The following SPMIP4 variants were observed in gnomAD, a reference collection of about 807,000 sequenced individuals.
SPMIP4 encodes sperm-associated microtubule inner protein 4.
At chr7:25,137,361 C>G in the SPMIP4 span, among the ~76,000 whole-genome samples, 1 of 140,790 alleles carries the variant, frequency 7.1e-6, no homozygotes, top group African/African-American at 2.7e-5. Context: ...TTTTCATTCT[C>G]TTATGGTTTT....
chr7:25,175,049 C>T, the SPMIP4 span, among the ~76,000 whole-genome samples: 1 of 152,084 alleles, frequency 6.6e-6, no homozygotes, highest in Admixed American at 6.5e-5. Flanking sequence ...GTGCTGCTAG[C>T]CCAGTAGTTC....
At chr7:25,130,622 C>T in the SPMIP4 span, among the ~76,000 whole-genome samples, 1 of 152,166 alleles carries the variant, frequency 6.6e-6, no homozygotes, top group Admixed American at 6.5e-5. Flanking sequence ...CCAGTTATCA[C>T]TTAACTACAC....
chr7:25,160,613 A>G, the SPMIP4 span, among the ~76,000 whole-genome samples: 2 of 152,138 alleles, frequency 1.3e-5, no homozygotes, highest in African/African-American at 4.8e-5. Context: ...TTTTATTTTT[A>G]TCTAAAAATA....
the SPMIP4 span, among the ~76,000 whole-genome samples, chr7:25,158,112 T>C: frequency 1.3e-5 from 2 of 152,182 alleles, no homozygotes; most frequent in East Asian, 3.8e-4. Context: ...CTCACGCCTG[T>C]GATCCAGTAC....
At chr7:25,145,342 G>A in the SPMIP4 span, among the ~76,000 whole-genome samples, 30 of 152,286 alleles carry the variant, frequency 2.0e-4, no homozygotes, top group African/African-American at 7.2e-4. Flanking sequence ...TAACAACAGA[G>A]ATCTACTGAA....
the SPMIP4 span, among the ~76,000 whole-genome samples, chr7:25,137,313 T>TA: frequency 2.2e-5 from 3 of 136,592 alleles, no homozygotes; most frequent in East Asian, 2.1e-4. Context: ...TTTTTTTTTT[T>TA]TTTTTTATTT....
chr7:25,148,681 G>A, the SPMIP4 span, among the ~76,000 whole-genome samples: 1 of 152,026 alleles, frequency 6.6e-6, no homozygotes, highest in Non-Finnish European at 1.5e-5. Context: ...CGCCATGTTG[G>A]TCAGGCTGGT....
chr7:25,131,901 T>G, the SPMIP4 span, among the ~76,000 whole-genome samples: 3 of 152,226 alleles, frequency 2.0e-5, no homozygotes, highest in African/African-American at 7.2e-5. The surrounding 1 kb of genome is among the most constrained non-coding windows in gnomAD (Gnocchi z 4.2). Context: ...GGAGCACAGC[T>G]GACACCCTGC....
the SPMIP4 span, chr7:25,136,432 G>A: frequency 6.2e-7 from 1 of 1,614,100 alleles, no homozygotes; most frequent in Non-Finnish European, 8.5e-7. This position sits in a 1 kb window ranked among gnomAD's most constrained non-coding sequence, Gnocchi z 5.7. Flanking sequence ...TAAATCTTCT[G>A]TCTTTTTAGT....
chr7:25,177,483 T>TA, the SPMIP4 span, among the ~76,000 whole-genome samples: 38 of 147,898 alleles, frequency 2.6e-4, no homozygotes, highest in African/African-American at 5.4e-4. Context: ...CTCCGTCTAA[T>TA]AAAAAAAAAA....
At chr7:25,154,355 T>C in the SPMIP4 span, among the ~76,000 whole-genome samples, 20 of 152,288 alleles carry the variant, frequency 1.3e-4, no homozygotes, top group South Asian at 1.0e-3. Flanking sequence ...TCTCAAGTGT[T>C]TTCACTCTTT....
chr7:25,165,614 C>T, the SPMIP4 span, among the ~76,000 whole-genome samples: 2 of 152,188 alleles, frequency 1.3e-5, no homozygotes, highest in Non-Finnish European at 2.9e-5. Flanking sequence ...TCCCAAGGTG[C>T]TGGGATTACA....
chr7:25,178,678 C>T, the SPMIP4 span, among the ~76,000 whole-genome samples: 1 of 152,194 alleles, frequency 6.6e-6, no homozygotes, highest in East Asian at 1.9e-4. Flanking sequence ...ACTTACTTCT[C>T]GAGTTCCTTA....
At chr7:25,155,131 T>C in the SPMIP4 span, 6 of 1,613,046 alleles carry the variant, frequency 3.7e-6, no homozygotes. Flanking sequence ...GTGGGGAACA[T>C]GGCGCCGCGA....
chr7:25,178,051 T>G, the SPMIP4 span, among the ~76,000 whole-genome samples: 2 of 152,192 alleles, frequency 1.3e-5, no homozygotes, highest in Non-Finnish European at 2.9e-5. Context: ...TAAGTCAGAA[T>G]AGGTGATATT....
the SPMIP4 span, among the ~76,000 whole-genome samples, chr7:25,160,284 G>A: frequency 1.5e-5 from 1 of 68,094 alleles, no homozygotes; most frequent in Non-Finnish European, 5.5e-5. Context: ...CTTCTATGCT[G>A]TCGTGTTTAA....
At chr7:25,142,267 G>A in the SPMIP4 span, 5 of 1,613,070 alleles carry the variant, frequency 3.1e-6, no homozygotes, top group Non-Finnish European at 4.2e-6. Flanking sequence ...CCTATCTTTC[G>A]TGTTAACTCT....
At chr7:25,127,742 C>T in the SPMIP4 span, among the ~76,000 whole-genome samples, 1 of 152,128 alleles carries the variant, frequency 6.6e-6, no homozygotes, top group Non-Finnish European at 1.5e-5. Context: ...GGTCTTGATG[C>T]TTGTGGATTT....
chr7:25,146,235 G>A, the SPMIP4 span, among the ~76,000 whole-genome samples: 1 of 152,198 alleles, frequency 6.6e-6, no homozygotes, highest in African/African-American at 2.4e-5. Flanking sequence ...TTGGGAAAGA[G>A]AGACGGCTGA....
Sources: allele counts gnomAD v4.1 joint callset (sites outside exome capture counted in the v4.1 genomes callset), GRCh38; gene constraint gnomAD v4.1.1; non-coding constraint Gnocchi (gnomAD v3.1); transcripts MANE v1.5; gene names NCBI Gene and HGNC (gene_info 2026-07-23, HGNC 2026-07-21).